The following PATJ variants were observed in gnomAD, a reference collection of about 807,000 sequenced individuals.
PATJ encodes PATJ crumbs cell polarity complex component, also known as inaD-like protein.
A neutral mutation model predicts 224.9 loss-of-function variants in PATJ; 190 were observed. The ratio of observed to expected loss-of-function variants is 0.84; its 90% CI spans 0.75 to 0.95. The LOEUF (loss-of-function observed/expected upper bound fraction) is 0.95, where lower values mean the gene tolerates loss of function less well. Among genes scored for constraint, PATJ ranks in the 40% least tolerant of loss-of-function variants. PATJ has a pLI of 0.00. For missense variants in PATJ, 2,121 were observed against 2,270.3 expected (o/e 0.93, Z 1.34); for synonymous variants, 769 against 820.3 (o/e 0.94, Z 1.07).
At chr1:61,864,214 T>C (rs1178328414) in intron 19 of PATJ, 24 bp from the exon 20 acceptor site, 1 of 611,420 alleles carries the variant, frequency 1.6e-6, no homozygotes, top group African/African-American at 5.7e-5. Context: ...TAACTTCACA[T>C]TTTTTTGCAT....
intron 30 of PATJ, among the ~76,000 whole-genome samples, chr1:62,039,832 A>G (rs1651122697): frequency 6.6e-6 from 1 of 152,078 alleles, no homozygotes; most frequent in East Asian, 1.9e-4. Flanking sequence ...TGCCTTATCT[A>G]CTGGGCAGTC....
At chr1:62,017,082 A>G (rs1001232767) in intron 28 of PATJ, among the ~76,000 whole-genome samples, 5 of 152,218 alleles carry the variant, frequency 3.3e-5, no homozygotes, top group African/African-American at 1.2e-4. Context: ...GCTGTTTAGA[A>G]TTACTGTTTG....
In PATJ at chr1:61,920,560, G is replaced by A. The variant is rs189257564; in HGVS notation, c.3570+5896G>A. ...ATGTCTTTATTAGCAGCATGAAAAC[G>A]GACTAATATACCCACTATCACTGAA... On this transcript the variant is annotated intron_variant, in intron 26 of 43. Coordinates refer to ENST00000642238, the MANE Select transcript of PATJ (RefSeq NM_001350145.3). Among the ~76,000 whole-genome samples, 90 of 152,066 alleles carry A rather than the reference G, an allele frequency of 5.9e-4. 1 individual carries two copies. Among genetic ancestry groups the A allele is most frequent in the Middle Eastern group, 6.8e-3 (2 of 294 alleles).
intron 27 of PATJ, among the ~76,000 whole-genome samples, chr1:61,959,902 AGTCCCAGCTACTT>A (rs1299147541): frequency 1.3e-5 from 2 of 152,158 alleles, no homozygotes; most frequent in Non-Finnish European, 2.9e-5. Context: ...ATGCACCTGT[AGTCCCAGCTACTT>A]GGGAGGCTGA....
chr1:61,823,798 C>G (rs1293345810), intron 15 of PATJ, among the ~76,000 whole-genome samples: 1 of 151,856 alleles, frequency 6.6e-6, no homozygotes, highest in Non-Finnish European at 1.5e-5. Context: ...CCAAGTAGGT[C>G]TCATGTTGTG....
At chr1:61,967,915 C>T (rs1164070579) in intron 27 of PATJ, among the ~76,000 whole-genome samples, 1 of 152,134 alleles carries the variant, frequency 6.6e-6, no homozygotes, top group Non-Finnish European at 1.5e-5. Flanking sequence ...CAGGACCTGA[C>T]TATCAGCTGC....
At chr1:61,820,582 T>C (rs1657061178) in intron 14 of PATJ, among the ~76,000 whole-genome samples, 1 of 152,214 alleles carries the variant, frequency 6.6e-6, no homozygotes, top group African/African-American at 2.4e-5. Context: ...CCTCAGGTGA[T>C]CTGCCCGCCT....
intron 30 of PATJ, among the ~76,000 whole-genome samples, chr1:62,040,113 CT>C (rs557531285): frequency 0.016 from 2,210 of 141,820 alleles, 12 homozygotes; most frequent in Middle Eastern, 0.044. Context: ...CTCTTTCTTC[CT>C]TTTTTTTTTT....
intron 1 of PATJ, among the ~76,000 whole-genome samples, chr1:61,762,253 C>G (rs928166138): frequency 1.3e-5 from 2 of 152,172 alleles, no homozygotes; most frequent in African/African-American, 4.8e-5. Flanking sequence ...ACTTGAACTT[C>G]ATATGAATGT....
At chr1:61,921,561 G>T (rs1674342819) in intron 26 of PATJ, among the ~76,000 whole-genome samples, 1 of 152,104 alleles carries the variant, frequency 6.6e-6, no homozygotes, top group Admixed American at 6.6e-5. Flanking sequence ...TCTTTTAGAG[G>T]TACAAGCCTT....
At chr1:61,873,564 T>C (rs1666944432) in intron 20 of PATJ, among the ~76,000 whole-genome samples, 1 of 152,240 alleles carries the variant, frequency 6.6e-6, no homozygotes, top group Non-Finnish European at 1.5e-5. Context: ...TACCATTAAC[T>C]GGGTAGCTTA....
At chr1:62,113,080 A>C (rs915932544) in intron 34 of PATJ, among the ~76,000 whole-genome samples, 7 of 152,244 alleles carry the variant, frequency 4.6e-5, no homozygotes, top group African/African-American at 1.7e-4. Flanking sequence ...CAAGCACTGC[A>C]GAAGTATTTA....
In PATJ at chr1:61,875,178, C is replaced by G; in HGVS notation, c.2836-65C>G. The G allele has an allele frequency of 8.6e-6, 9 of 1,045,106 alleles. No individual in the cohort carries two copies. In the South Asian group the frequency reaches 1.4e-4, roughly 16 times the overall value. The allele number at this position is 1,045,106 out of a possible 1,614,324, so 64.7% of individuals were successfully genotyped here. A position where few individuals can be genotyped will look rare whatever the true frequency, so the allele number is the denominator to read the frequency against. On this transcript the variant is annotated intron_variant, in intron 20 of 43. Coordinates refer to ENST00000642238, the MANE Select transcript of PATJ (RefSeq NM_001350145.3). ...CACTATCATTATTACTTGGCTTGAT[C>G]AACTGTACAGTAATACATTTTTTTC...
chr1:61,980,437 TTGTGTGTGTGTGTGTGTGTGTGTG>T (rs148389720), intron 27 of PATJ, among the ~76,000 whole-genome samples: 1 of 129,738 alleles, frequency 7.7e-6, no homozygotes, highest in South Asian at 3.0e-4. Flanking sequence ...CTTATATAAT[TTGTGTGTGTGTGTGTGTGTGTGTG>T]TGTGTGTGTG....
chr1:62,141,501 C>T (rs547100901), intron 41 of PATJ, among the ~76,000 whole-genome samples: 2 of 151,830 alleles, frequency 1.3e-5, no homozygotes, highest in East Asian at 3.9e-4. Context: ...ATGGTAAAAC[C>T]CCATCTGTAC....
intron 27 of PATJ, among the ~76,000 whole-genome samples, chr1:61,976,686 G>T (rs1250346236): frequency 6.6e-6 from 1 of 152,010 alleles, no homozygotes; most frequent in African/African-American, 2.4e-5. Flanking sequence ...GGGATTACAG[G>T]CATGCGCCAG....
At chr1:61,745,608 AATTT>A (rs780104587) in intron 1 of PATJ, among the ~76,000 whole-genome samples, 2 of 138,020 alleles carry the variant, frequency 1.4e-5, no homozygotes, top group East Asian at 2.2e-4. Context: ...TTAATTAATT[AATTT>A]ATTTATTTGG....
intron 28 of PATJ, among the ~76,000 whole-genome samples, chr1:62,013,841 T>C (rs1164272388): frequency 6.6e-6 from 1 of 151,998 alleles, no homozygotes; most frequent in Non-Finnish European, 1.5e-5. Context: ...TGGTGCGATT[T>C]TGGCTCACTG....
At chr1:61,797,449 C>T (rs1007006935) in intron 11 of PATJ, 21 bp downstream of exon 11, 17 of 1,598,346 alleles carry the variant, frequency 1.1e-5, no homozygotes, top group African/African-American at 1.3e-5. Context: ...TGCCACCCCT[C>T]TATCCCTCAA....
Sources: gnomAD v4.1 joint callset for allele counts (sites outside exome capture counted in the v4.1 genomes callset) on GRCh38, gnomAD v4.1.1 for gene constraint, MANE v1.5 for transcripts, NCBI Gene and HGNC (gene_info 2026-07-23, HGNC 2026-07-21) for gene names.